The following AIDA variants were observed in gnomAD, a reference collection of about 807,000 sequenced individuals.
AIDA encodes axin interactor, dorsalization-associated protein.
AIDA carries 18 observed loss-of-function variants against 42.7 expected under a neutral mutation model. The ratio of observed to expected loss-of-function variants is 0.42; its 90% CI spans 0.29 to 0.63. The LOEUF (loss-of-function observed/expected upper bound fraction) is 0.63, where lower values mean the gene tolerates loss of function less well. Among genes scored for constraint, AIDA ranks in the 20% least tolerant of loss-of-function variants. AIDA has a pLI of 0.19. For missense variants in AIDA, 250 were observed against 354.1 expected, an observed-to-expected ratio of 0.71 and a Z score of 2.36; for synonymous variants, 104 against 122.9, an observed-to-expected ratio of 0.85 and a Z score of 1.02.
At chr1:222,689,367 G>T (rs1372023781) in intron 4 of AIDA, among the ~76,000 whole-genome samples, 1 of 150,718 alleles carries the variant, frequency 6.6e-6, no homozygotes, top group African/African-American at 2.4e-5. Flanking sequence ...TTGAACCCAG[G>T]AGATGGAGGT....
chr1:222,690,712 A>T, intron 4 of AIDA, among the ~76,000 whole-genome samples: 3 of 151,294 alleles, frequency 2.0e-5, no homozygotes. Context: ...CTCTTCATAC[A>T]TATAATCTAT....
intron 6 of AIDA, among the ~76,000 whole-genome samples, chr1:222,684,116 CT>C (rs1204032605): frequency 8.8e-4 from 127 of 144,570 alleles, no homozygotes; most frequent in Admixed American, 1.2e-3. Context: ...GAATGAATTT[CT>C]TTTTTTTTTT....
intron 6 of AIDA, 115 bp from the exon 7 acceptor site, chr1:222,676,333 A>G (rs1281423459): frequency 3.1e-6 from 4 of 1,284,494 alleles, no homozygotes; most frequent in African/African-American, 1.5e-5. Flanking sequence ...GCCAGGCATT[A>G]TTTTGGTTCC....
chr1:222,698,429 G>T (rs1655580244), intron 2 of AIDA, among the ~76,000 whole-genome samples: 1 of 148,932 alleles, frequency 6.7e-6, no homozygotes, highest in African/African-American at 2.5e-5. Context: ...TAAGACAACA[G>T]AATAGCATTT....
intron 2 of AIDA, among the ~76,000 whole-genome samples, chr1:222,702,030 A>T (rs1655723546): frequency 6.6e-6 from 1 of 152,190 alleles, no homozygotes; most frequent in Admixed American, 6.5e-5. Context: ...AGCCAAAAAA[A>T]AAAAAAATTC....
chr1:222,673,471 A>C (rs754896058), intron 7 of AIDA, 36 bp from the exon 8 acceptor site: 2 of 1,520,162 alleles, frequency 1.3e-6, no homozygotes, highest in Non-Finnish European at 1.8e-6. Context: ...AGGAACATTC[A>C]AATATACAGA....
chr1:222,673,736 C>A (rs954481809), intron 7 of AIDA, among the ~76,000 whole-genome samples: 6 of 151,634 alleles, frequency 4.0e-5, no homozygotes, highest in African/African-American at 1.2e-4. Context: ...CGAGATCGCA[C>A]CACTGCACTC....
At chr1:222,670,571 C>T (rs1472302602) in intron 8 of AIDA, among the ~76,000 whole-genome samples, 1 of 152,088 alleles carries the variant, frequency 6.6e-6, no homozygotes, top group East Asian at 1.9e-4. Context: ...TGAAATGCCA[C>T]AGAAGAACAG....
At chr1:222,696,041 G>A (rs947395778) in intron 2 of AIDA, among the ~76,000 whole-genome samples, 1 of 152,104 alleles carries the variant, frequency 6.6e-6, no homozygotes, top group African/African-American at 2.4e-5. Flanking sequence ...ACTCGATGCC[G>A]AAGAATAAGT....
intron 4 of AIDA, among the ~76,000 whole-genome samples, chr1:222,688,644 G>A (rs1465630043): frequency 6.6e-6 from 1 of 150,978 alleles, no homozygotes; most frequent in Non-Finnish European, 1.5e-5. Context: ...CCGTTGCCCA[G>A]GCTAGAGTGC....
At chr1:222,670,385 A>G (rs900696457) in intron 8 of AIDA, 135 bp from the exon 9 acceptor site, 14 of 685,658 alleles carry the variant, frequency 2.0e-5, no homozygotes, top group Admixed American at 1.1e-4. Flanking sequence ...GCCAGTCTCA[A>G]TGATTTGACA....
intron 6 of AIDA, among the ~76,000 whole-genome samples, chr1:222,682,959 G>C (rs1664678880): frequency 2.0e-5 from 3 of 152,138 alleles, no homozygotes; most frequent in Non-Finnish European, 4.4e-5. Flanking sequence ...GAATTGCTGA[G>C]TTACATTTAG....
chr1:222,703,044 G>A, intron 2 of AIDA, 104 bp downstream of exon 2: 2 of 828,900 alleles, frequency 2.4e-6, no homozygotes, highest in Non-Finnish European at 3.7e-6. Flanking sequence ...AAGTATAACA[G>A]TTTTTTGTTT....
rs1664395715 is a variant in AIDA, at chr1:222,668,970, T to G, written c.*923A>C. 1 of 152,174 alleles carries G rather than the reference T, an allele frequency of 6.6e-6. No homozygotes were observed. Among genetic ancestry groups the G allele is most frequent in the South Asian group, 2.1e-4 (1 of 4,810 alleles). The allele number at this position is 152,174 out of a possible 1,614,324, so 9.4% of individuals were successfully genotyped here. On this transcript the variant is annotated 3_prime_UTR_variant, in exon 10 of 10. Transcript: ENST00000340020. ...GAATATCTTTCCAGATTTTGCATAC[T>G]CCTCACTGTAAGAAGAGGTATGCAG...
chr1:222,689,520 T>TACACATAC lies in AIDA; in HGVS notation c.290-1863_290-1862insGTATGTGT, dbSNP rs1553294407. On this transcript the variant is annotated intron_variant, in intron 4 of 9. Coordinates refer to ENST00000340020, the MANE Select transcript of AIDA (RefSeq NM_022831.4). ...ATATATATATATATATATATATATA[T>TACACATAC]ACACACATACACACACACACATATA... is the stretch of plus-strand genomic sequence containing the variant. 5.2e-5 allele frequency among the ~76,000 whole-genome samples: 3 copies of TACACATAC among 58,112 alleles called. No individual in the cohort carries two copies. The East Asian group carries it at 1.3e-3, about 26-fold the overall frequency. 38.1% of individuals were successfully genotyped at this position (58,112 alleles called of 152,430 possible).
chr1:222,708,521 C>A (rs1037726462), intron 1 of AIDA, among the ~76,000 whole-genome samples: 18 of 151,944 alleles, frequency 1.2e-4, no homozygotes, highest in South Asian at 2.1e-4. Context: ...GCACACGCCA[C>A]CACGCCCGGC....
intron 1 of AIDA, among the ~76,000 whole-genome samples, chr1:222,705,492 A>T (rs1260061953): frequency 3.3e-5 from 5 of 152,232 alleles, no homozygotes; most frequent in African/African-American, 1.2e-4. Flanking sequence ...CAACCTAAGC[A>T]GAATCACTGT....
At chr1:222,676,263 G>GT (rs1558207548) in intron 6 of AIDA, 45 bp from the exon 7 acceptor site, 2 of 1,563,428 alleles carry the variant, frequency 1.3e-6, no homozygotes, top group Non-Finnish European at 1.7e-6. Flanking sequence ...TCATTTCACA[G>GT]TAAACATTTT....
At chr1:222,670,599 A>T in intron 8 of AIDA, among the ~76,000 whole-genome samples, 1 of 152,268 alleles carries the variant, frequency 6.6e-6, no homozygotes, top group East Asian at 1.9e-4. Context: ...ACTTCAATAC[A>T]CATAGAGACT....
Sources: allele counts gnomAD v4.1 joint callset (sites outside exome capture counted in the v4.1 genomes callset), GRCh38; gene constraint gnomAD v4.1.1; transcripts MANE v1.5; gene names NCBI Gene and HGNC (gene_info 2026-07-23, HGNC 2026-07-21).